Variants in PLEKHM1 observed in about 807,000 individuals in gnomAD.
PLEKHM1 encodes pleckstrin homology and RUN domain containing M1, also known as pleckstrin homology domain-containing family M member 1.
In PLEKHM1, 28 loss-of-function variants were observed where a neutral mutation model predicts 94.3. The observed-to-expected ratio is 0.30, with a 90% CI of 0.22 to 0.41. PLEKHM1 has a LOEUF of 0.41. Ranked by LOEUF, PLEKHM1 falls within the 10% of genes least tolerant of loss-of-function variation. The pLI, the probability that PLEKHM1 is intolerant of heterozygous loss-of-function variation, is 1.00. For synonymous variants in PLEKHM1, 424 were observed against 581.2 expected, an observed-to-expected ratio of 0.73 and a Z score of 3.89; for missense variants, 907 against 1,358.6, an observed-to-expected ratio of 0.67 and a Z score of 5.22.
Position 45,436,094 on chromosome 17 carries a change from T to C in PLEKHM1, c.*1764A>G. The C allele has an allele frequency of 2.2e-6, 1 of 456,552 alleles. No individual in the cohort carries two copies. The highest frequency in any genetic ancestry group is 1.5e-5 in the South Asian group (1 of 64,578). 28.3% of individuals were successfully genotyped at this position (456,552 alleles called of 1,614,324 possible). Reference sequence around the variant, plus strand: ...GGGAGGCGGGAAGAGTCAATGCATCTGAAAGCACTGGCAGCTTCTGGGGAA... The same window carrying C: ...GGGAGGCGGGAAGAGTCAATGCATCCGAAAGCACTGGCAGCTTCTGGGGAA... On this transcript the variant is annotated 3_prime_UTR_variant, in exon 12 of 12. Transcript: ENST00000430334.
chr17:45,475,370 T>A lies in PLEKHM1; in HGVS notation c.653A>T (p.Glu218Val), dbSNP rs763046424. The change falls in exon 4 of 12, where the codon GAA (glutamate) becomes GTA (valine). Residue 218 changes from glutamate to valine, a missense_variant. By Grantham distance (121) the Glu-to-Val change is moderately radical. Around this residue, in one of 3 missense-constraint regions of PLEKHM1, gnomAD observed 176 missense variants for 306.0 expected, o/e 0.58. Coordinates refer to ENST00000430334, the MANE Select transcript of PLEKHM1 (RefSeq NM_014798.3). ...STSGAELQRKESLDSISHSSG... is the reference protein window; with the variant it reads ...STSGAELQRKVSLDSISHSSG... ...AGAATGGGAAATGGAATCCAGAGAT[T>A]CCTTCCGCTGTAGTTCTGCACCAGA... is the stretch of plus-strand genomic sequence containing the variant. 3.7e-6 allele frequency: 6 copies of A among 1,613,896 alleles called. No homozygotes were observed. Among genetic ancestry groups the A allele is most frequent in the Non-Finnish European group, 5.1e-6 (6 of 1,179,844 alleles).
chr17:45,450,674 C>T lies in PLEKHM1; in HGVS notation c.2587G>A (p.Asp863Asn). ...ATCCTGGCCGGAATCACTGAGGCAT[C>T]GTCTTGGTGGCAGATGTCACAGTAA... The part of the protein sequence containing the change: ...LYYCDICHQD[D>N]ASVIPARIIH... Residue 863 changes from aspartate (D) to asparagine (N), a missense_variant, in exon 8 of 12, where the codon GAT becomes AAT. By Grantham distance (23) the Asp-to-Asn change is conservative. Coordinates refer to ENST00000430334, the MANE Select transcript of PLEKHM1 (RefSeq NM_014798.3). The T allele has an allele frequency of 1.9e-6, 3 of 1,609,668 alleles. No individual in the cohort carries two copies. Among genetic ancestry groups the T allele is most frequent in the South Asian group, 1.1e-5 (1 of 90,284 alleles).
At chr17:45,458,530 G>A (rs1330128944) in intron 5 of PLEKHM1, 91 bp from the exon 6 acceptor site, 70 of 1,320,908 alleles carry the variant, frequency 5.3e-5, no homozygotes, top group Non-Finnish European at 7.0e-5. Flanking sequence ...GAGTGCAATC[G>A]CGCAACCTCG....
chr17:45,484,573 TA>T (rs1014464366), intron 1 of PLEKHM1, among the ~76,000 whole-genome samples: 8 of 152,314 alleles, frequency 5.3e-5, no homozygotes, highest in African/African-American at 1.9e-4. Context: ...GTAACTTGGA[TA>T]AAAATCAAGC....
rs373446915 is a variant in PLEKHM1, at chr17:45,446,461, T to C, written c.2644-798A>G. ...AACCTGCCAGGTTTGAGCTGAGGTG[T>C]CATCTCTGAACACCAGGCTGCTGCA... On this transcript the variant is annotated intron_variant, in intron 8 of 11. Transcript: ENST00000430334. Among the ~76,000 whole-genome samples, 63 of 152,234 alleles carry C rather than the reference T, an allele frequency of 4.1e-4. 1 individual carries two copies. In the East Asian group the frequency reaches 9.7e-3, roughly 23 times the overall value.
At chr17:45,464,131 C>G (rs1567787241) in intron 5 of PLEKHM1, 1 of 152,192 alleles carries the variant, frequency 6.6e-6, no homozygotes, top group Non-Finnish European at 1.5e-5. Context: ...AACTCACAAC[C>G]CCCAGATCCC....
Position 45,453,827 on chromosome 17 carries a change from C to T in PLEKHM1, c.2025G>A (p.Ser675=), listed in dbSNP as rs1383773242. ...AALQGTQFDW[S]SAQVPEPDAI... ...CATCTGGCTCTGGAACCTGGGCGGA[C>T]GACCAGTCAAACTGTGTGCCCTGGA... Residue 675 remains serine, a synonymous_variant, in exon 7 of 12, where the codon TCG becomes TCA. Coordinates refer to ENST00000430334, the MANE Select transcript of PLEKHM1 (RefSeq NM_014798.3). This position sits in a 1 kb window ranked among gnomAD's most constrained non-coding sequence, Gnocchi z 4.1. 14 of 1,613,878 alleles carry T rather than the reference C, an allele frequency of 8.7e-6. No individual in the cohort carries two copies. The highest frequency in any genetic ancestry group is 1.6e-4 in the Middle Eastern group (1 of 6,078).
At chr17:45,486,918 C>T (rs1011175384) in intron 1 of PLEKHM1, among the ~76,000 whole-genome samples, 3 of 152,160 alleles carry the variant, frequency 2.0e-5, no homozygotes, top group East Asian at 1.9e-4. Context: ...GACAGTACTG[C>T]GTCACCCACC....
Position 45,439,469 on chromosome 17 carries a change from C to G in PLEKHM1, c.3059+8G>C. ...GCTGGAAGGCGGCTGGCTGGGTGTC[C>G]CGCATACCTGACTGTGGTGTCAAAC... On this transcript the variant is annotated splice_region_variant and intron_variant, in intron 11 of 11. Transcript: ENST00000430334. The G allele has an allele frequency of 6.2e-7, 1 of 1,614,106 alleles. No individual in the cohort carries two copies.
intron 11 of PLEKHM1, among the ~76,000 whole-genome samples, chr17:45,438,480 C>T (rs34363898): frequency 0.13 from 19,396 of 151,086 alleles, 1,585 homozygotes; most frequent in Middle Eastern, 0.21. Flanking sequence ...TGCAGTGAGC[C>T]GAGACTGCAC....
chr17:45,464,227 T>C (rs960425946), intron 5 of PLEKHM1, among the ~76,000 whole-genome samples: 5 of 152,210 alleles, frequency 3.3e-5, no homozygotes, highest in African/African-American at 1.2e-4. Flanking sequence ...ATGTGGATAA[T>C]CATTTGTCTA....
chr17:45,477,780 C>T, intron 3 of PLEKHM1, 120 bp downstream of exon 3: 1 of 1,176,360 alleles, frequency 8.5e-7, no homozygotes, highest in East Asian at 2.5e-5. Flanking sequence ...ACCTCACCCT[C>T]TCTCTATGCT....
rs867849280 is a variant in PLEKHM1 at position 45,437,562 on chromosome 17, G to C, written c.*296C>G. On this transcript the variant is annotated 3_prime_UTR_variant, in exon 12 of 12. Coordinates refer to ENST00000430334, the MANE Select transcript of PLEKHM1 (RefSeq NM_014798.3). This position sits in a 1 kb window ranked among gnomAD's most constrained non-coding sequence, Gnocchi z 4.0. The stretch of plus-strand genomic sequence containing the variant: ...GTGTTTGGGCAGCCCTAACGGAGGC[G>C]CCGGGACGCTGGTGAGCCAGGGCCT... The C allele has an allele frequency of 8.0e-6, 5 of 624,614 alleles. No individual in the cohort carries two copies. The highest frequency in any genetic ancestry group is 2.1e-5 in the Admixed American group (1 of 47,610). 38.7% of individuals were successfully genotyped at this position (624,614 alleles called of 1,614,324 possible).
chr17:45,485,826 G>A (rs1471068569), intron 1 of PLEKHM1, among the ~76,000 whole-genome samples: 3 of 152,108 alleles, frequency 2.0e-5, no homozygotes, highest in Non-Finnish European at 4.4e-5. Context: ...GGCTGAGGCA[G>A]GAGAACCACT....
chr17:45,439,423 G>A, intron 11 of PLEKHM1, 54 bp downstream of exon 11: 2 of 1,599,936 alleles, frequency 1.3e-6, no homozygotes, highest in Non-Finnish European at 1.7e-6. Flanking sequence ...GGGCCAGGCT[G>A]TGGGTGTGGG....
At chr17:45,438,005 G>A in intron 11 of PLEKHM1, 36 bp from the exon 12 acceptor site, 1 of 1,553,476 alleles carries the variant, frequency 6.4e-7, no homozygotes, top group South Asian at 1.1e-5. Context: ...GGTGCCGGCT[G>A]GGCTGGAGGT....
In PLEKHM1 at chr17:45,453,383, G is replaced by A; in HGVS notation, c.2469C>T (p.Gly823=). 6.2e-7 allele frequency: 1 copy of A among 1,613,794 alleles called. No individual in the cohort carries two copies. Among genetic ancestry groups the A allele is most frequent in the Non-Finnish European group, 8.5e-7 (1 of 1,179,780 alleles). Reference sequence around the variant, plus strand: ...CGCAGAAGCAGCCTTGGGAGTCAAGGCCTTTCTCCATGGGGATAGCCACCA... The same window carrying A: ...CGCAGAAGCAGCCTTGGGAGTCAAGACCTTTCTCCATGGGGATAGCCACCA... ...QYLVAIPMEK[G]LDSQGCFCAG... is the part of the protein sequence containing the mutation. The change falls in exon 7 of 12, where the codon GGC becomes GGT. Residue 823 remains glycine, a synonymous_variant. Transcript: ENST00000430334. The surrounding 1 kb of genome is among the most constrained non-coding windows in gnomAD (Gnocchi z 4.1).
At chr17:45,473,721 G>A (rs1449815227) in intron 4 of PLEKHM1, among the ~76,000 whole-genome samples, 1 of 151,954 alleles carries the variant, frequency 6.6e-6, no homozygotes, top group Non-Finnish European at 1.5e-5. Context: ...ACCACGCCCG[G>A]CTAATTTTTT....
At chr17:45,471,341 TG>T (rs57486986) in intron 4 of PLEKHM1, among the ~76,000 whole-genome samples, 126,852 of 126,852 alleles carry the variant, frequency 1, 63,426 homozygotes, top group Non-Finnish European at 1. Context: ...TATATATTAG[TG>T]GGTGGGGGAT....
Sources: gnomAD v4.1 joint callset for allele counts (sites outside exome capture counted in the v4.1 genomes callset) on GRCh38, gnomAD v4.1.1 for gene constraint, gnomAD v4.1.1 regional missense constraint, Gnocchi (gnomAD v3.1) non-coding constraint, MANE v1.5 for transcripts, NCBI Gene and HGNC (gene_info 2026-07-23, HGNC 2026-07-21) for gene names.